The following RAD51B variants were observed in gnomAD, a reference collection of about 807,000 sequenced individuals.
RAD51B encodes RAD51 paralog B.
Under a neutral mutation model 42.2 loss-of-function variants are expected in RAD51B, and 38 were observed. The observed-to-expected ratio is 0.90, with a 90% CI of 0.70 to 1.18. The LOEUF is 1.18. RAD51B is among the 50% of genes most tolerant of loss of function. The pLI, the probability that RAD51B is intolerant of heterozygous loss-of-function variation, is 0.00. For missense variants in RAD51B, 373 were observed against 400.7 expected (o/e 0.93, Z 0.59); for synonymous variants, 154 against 145.2 (o/e 1.06, Z -0.43).
intron 10 of RAD51B, among the ~76,000 whole-genome samples, chr14:68,550,724 C>T (rs201712060): frequency 1.3e-5 from 2 of 152,150 alleles, no homozygotes; most frequent in East Asian, 1.9e-4. Flanking sequence ...CCTAGATGGG[C>T]GAAAACTCTG....
chr14:68,541,575 C>A, intron 10 of RAD51B: 1 of 985,438 alleles, frequency 1.0e-6, no homozygotes, highest in Non-Finnish European at 1.2e-6. Context: ...TGCGGTATTC[C>A]TTGGGTATGT....
At chr14:68,065,604 G>A (rs1327400383) in intron 7 of RAD51B, among the ~76,000 whole-genome samples, 1 of 152,106 alleles carries the variant, frequency 6.6e-6, no homozygotes, top group Non-Finnish European at 1.5e-5. Flanking sequence ...AGGAAAGCAG[G>A]GAGCTAGCTG....
At chr14:68,657,323 T>C (rs938880578) in intron 11 of RAD51B, among the ~76,000 whole-genome samples, 1 of 152,204 alleles carries the variant, frequency 6.6e-6, no homozygotes, top group Non-Finnish European at 1.5e-5. Context: ...GCTTGACCTC[T>C]TGAGACTCAG....
intron 7 of RAD51B, among the ~76,000 whole-genome samples, chr14:68,111,594 A>G (rs1456893935): frequency 1.3e-5 from 2 of 151,990 alleles, no homozygotes; most frequent in Non-Finnish European, 2.9e-5. Context: ...ATACAACACA[A>G]CCCCACTACA....
chr14:67,922,152 T>G (rs1362435838), intron 7 of RAD51B, among the ~76,000 whole-genome samples: 1 of 152,222 alleles, frequency 6.6e-6, no homozygotes, highest in African/African-American at 2.4e-5. Context: ...ACTTAATGAA[T>G]GACCCTTCGT....
chr14:68,155,079 T>G (rs1411252019), intron 7 of RAD51B, among the ~76,000 whole-genome samples: 1 of 152,168 alleles, frequency 6.6e-6, no homozygotes, highest in Non-Finnish European at 1.5e-5. Context: ...GATTACTGAA[T>G]TTTGGGGGGA....
intron 10 of RAD51B, among the ~76,000 whole-genome samples, chr14:68,525,435 C>T (rs1336131859): frequency 1.3e-5 from 2 of 152,226 alleles, no homozygotes; most frequent in Non-Finnish European, 2.9e-5. Context: ...TCTGGGTTTT[C>T]AACCCTCAGG....
chr14:67,968,376 G>T (rs966305622), intron 7 of RAD51B, among the ~76,000 whole-genome samples: 6 of 152,164 alleles, frequency 3.9e-5, no homozygotes, highest in Non-Finnish European at 7.3e-5. Context: ...CAAAAAATGG[G>T]TTTTTCTTTT....
intron 3 of RAD51B, among the ~76,000 whole-genome samples, chr14:67,831,929 T>C (rs997497329): frequency 6.6e-6 from 1 of 152,216 alleles, no homozygotes; most frequent in African/African-American, 2.4e-5. Flanking sequence ...TTTGACAGAT[T>C]GGGCTGCCTT....
At chr14:68,610,909 T>G in intron 10 of RAD51B, 1 of 608,390 alleles carries the variant, frequency 1.6e-6, no homozygotes, top group Non-Finnish European at 3.0e-6. Context: ...TGTGTAACCC[T>G]GCAGGCCATG....
downstream of RAD51B, chr14:68,596,167 T>C (rs1566949561): frequency 2.5e-6 from 1 of 404,622 alleles, no homozygotes; most frequent in Non-Finnish European, 3.3e-6. Flanking sequence ...ATATCTGATA[T>C]CCTAAACAAC....
chr14:68,615,354 T>A (rs1349410382), downstream of RAD51B, among the ~76,000 whole-genome samples: 1 of 152,050 alleles, frequency 6.6e-6, no homozygotes, highest in Admixed American at 6.6e-5. Context: ...AATTTTTCTT[T>A]TTTTTTTTTG....
At chr14:68,615,681 T>C (rs1891812070), downstream of RAD51B, among the ~76,000 whole-genome samples, 1 of 152,232 alleles carries the variant, frequency 6.6e-6, no homozygotes, top group African/African-American at 2.4e-5. Flanking sequence ...ATTGTCTCTC[T>C]TTATCTCTGG....
intron 7 of RAD51B, among the ~76,000 whole-genome samples, chr14:67,963,328 G>A (rs1481617338): frequency 6.6e-6 from 1 of 152,014 alleles, no homozygotes; most frequent in African/African-American, 2.4e-5. Flanking sequence ...CCAGTTGTCT[G>A]GAATAATGTC....
At chr14:68,484,829 ACTCT>A (rs1335044094) in intron 10 of RAD51B, among the ~76,000 whole-genome samples, 2 of 151,906 alleles carry the variant, frequency 1.3e-5, no homozygotes, top group Non-Finnish European at 2.9e-5. Context: ...GCCCAGGGCT[ACTCT>A]CACTCTCCCA....
At chr14:68,208,101 G>A (rs899985834) in intron 7 of RAD51B, among the ~76,000 whole-genome samples, 2 of 135,808 alleles carry the variant, frequency 1.5e-5, no homozygotes, top group East Asian at 4.2e-4. Context: ...ATTTGGAATC[G>A]ATATACAGTA....
intron 4 of RAD51B, among the ~76,000 whole-genome samples, chr14:67,855,709 T>C (rs2139959908): frequency 6.6e-6 from 1 of 152,326 alleles, no homozygotes; most frequent in Middle Eastern, 3.4e-3. Context: ...TTTTAGCTGC[T>C]GACAACAGCA....
intron 8 of RAD51B, among the ~76,000 whole-genome samples, chr14:68,371,734 C>T (rs1394665840): frequency 6.6e-6 from 1 of 152,128 alleles, no homozygotes; most frequent in Non-Finnish European, 1.5e-5. Flanking sequence ...ACCTGTAGTC[C>T]CAGCTACTTG....
At chr14:68,504,975 C>A (rs1449281028) in intron 10 of RAD51B, among the ~76,000 whole-genome samples, 1 of 152,208 alleles carries the variant, frequency 6.6e-6, no homozygotes, top group African/African-American at 2.4e-5. Context: ...CCACACCAAA[C>A]ATGGGCAGCA....
Sources: gnomAD v4.1 joint callset for allele counts (sites outside exome capture counted in the v4.1 genomes callset) on GRCh38, gnomAD v4.1.1 for gene constraint, MANE v1.5 for transcripts, NCBI Gene and HGNC (gene_info 2026-07-23, HGNC 2026-07-21) for gene names.